The following DENND1A variants were observed in gnomAD, a reference collection of about 807,000 sequenced individuals.
The protein encoded by DENND1A is DENN domain containing 1A.
In DENND1A, 51 loss-of-function variants were observed where a neutral mutation model predicts 113.7. The observed-to-expected ratio is 0.45, with a 90% CI of 0.36 to 0.57. The LOEUF is 0.57. Ranked by LOEUF, DENND1A falls within the 20% of genes least tolerant of loss-of-function variation. The pLI is 0.00. For synonymous variants in DENND1A, 565 were observed against 570.8 expected (o/e 0.99, Z 0.14); for missense variants, 1,258 against 1,395.9 (o/e 0.90, Z 1.57).
At chr9:123,843,101 A>C in intron 2 of DENND1A, 1 of 542,806 alleles carries the variant, frequency 1.8e-6, no homozygotes, top group South Asian at 1.4e-5. Flanking sequence ...CAATTATCCT[A>C]AGTGTCTTCA....
intron 5 of DENND1A, among the ~76,000 whole-genome samples, chr9:123,711,486 A>AAAAATATATATATATGTATATATGT (rs1318894625): frequency 8.8e-5 from 9 of 101,756 alleles, no homozygotes; most frequent in African/African-American, 3.3e-4. Flanking sequence ...TAAATTAAAA[A>AAAAATATATATATATGTATATATGT]ATATATATAT....
intron 11 of DENND1A, among the ~76,000 whole-genome samples, chr9:123,603,782 G>T (rs2060033724): frequency 6.6e-6 from 1 of 152,174 alleles, no homozygotes; most frequent in African/African-American, 2.4e-5. Flanking sequence ...ACACAATCTA[G>T]TAAAAGTGGT....
rs1211742784 is a variant in DENND1A at position 123,390,510 on chromosome 9, C to T, written c.1632-2652G>A. Among the ~76,000 whole-genome samples the T allele has an allele frequency of 2.0e-5, 3 of 152,334 alleles. No homozygotes were observed. In the East Asian group the frequency reaches 5.8e-4, roughly 29 times the overall value. Reference sequence around the variant, plus strand: ...CCGTGCTTTATAGAGGCCACTTCTACCCCTCACAAGAGCCTAACAAGAAGG... The same window carrying T: ...CCGTGCTTTATAGAGGCCACTTCTATCCCTCACAAGAGCCTAACAAGAAGG... On this transcript the variant is annotated intron_variant, in intron 21 of 23. Transcript: ENST00000394215.
rs186878781 is a variant in DENND1A at position 123,632,932 on chromosome 9, G to A, written c.619-2456C>T. On this transcript the variant is annotated intron_variant, in intron 9 of 23. Coordinates refer to ENST00000394215, the MANE Select transcript of DENND1A (RefSeq NM_001352964.2). ...TAATATTATTATTATTATTGAGACA[G>A]GGTCTCACTCTGTCACCCAGGCTGG... Among the ~76,000 whole-genome samples the A allele has an allele frequency of 4.9e-3, 738 of 151,976 alleles. 6 individuals are homozygous for A. The highest frequency in any genetic ancestry group is 0.017 in the African/African-American group (705 of 41,402).
chr9:123,455,247 C>A (rs1401824290), intron 15 of DENND1A, among the ~76,000 whole-genome samples: 1 of 152,182 alleles, frequency 6.6e-6, no homozygotes, highest in Non-Finnish European at 1.5e-5. Flanking sequence ...TCATGCAGTA[C>A]CCTGACTGCA....
chr9:123,889,463 G>C (rs1849588797), intron 1 of DENND1A, among the ~76,000 whole-genome samples: 1 of 152,074 alleles, frequency 6.6e-6, no homozygotes, highest in Non-Finnish European at 1.5e-5. Context: ...GTATTTCAAA[G>C]ACTCAAAACC....
chr9:123,599,995 T>TA (rs2059872086), intron 11 of DENND1A, among the ~76,000 whole-genome samples: 1 of 152,172 alleles, frequency 6.6e-6, no homozygotes, highest in African/African-American at 2.4e-5. Flanking sequence ...GGGATTTGTC[T>TA]AGGCCAAGGG....
chr9:123,591,152 T>C (rs1264953407), intron 11 of DENND1A, among the ~76,000 whole-genome samples: 1 of 152,204 alleles, frequency 6.6e-6, no homozygotes, highest in African/African-American at 2.4e-5. Flanking sequence ...GTAGCCAAGA[T>C]GGTATTGAGC....
intron 2 of DENND1A, among the ~76,000 whole-genome samples, chr9:123,848,939 A>T (rs1842979702): frequency 6.6e-6 from 1 of 152,200 alleles, no homozygotes; most frequent in African/African-American, 2.4e-5. Flanking sequence ...GAGAGAGGTG[A>T]GGAAGCTGCA....
At chr9:123,588,167 C>A (rs1005620431) in intron 11 of DENND1A, among the ~76,000 whole-genome samples, 3 of 149,448 alleles carry the variant, frequency 2.0e-5, no homozygotes, top group Non-Finnish European at 4.4e-5. Context: ...CCCAGCTACT[C>A]GGGAGGCTGA....
At chr9:123,875,180 A>G (rs140808639) in intron 2 of DENND1A, among the ~76,000 whole-genome samples, 414 of 152,322 alleles carry the variant, frequency 2.7e-3, no homozygotes, top group Middle Eastern at 6.8e-3. Context: ...CAATTCAATT[A>G]TATTTTTTCA....
intron 5 of DENND1A, among the ~76,000 whole-genome samples, chr9:123,699,688 C>CT (rs34215948): frequency 0.056 from 6,309 of 112,430 alleles, 447 homozygotes; most frequent in African/African-American, 0.15. Context: ...TTCTTTCTTT[C>CT]TTTTTTTTTT....
chr9:123,720,371 G>A (rs1426905682), intron 5 of DENND1A, among the ~76,000 whole-genome samples: 1 of 152,142 alleles, frequency 6.6e-6, no homozygotes, highest in East Asian at 1.9e-4. Context: ...GCATGCTGGG[G>A]GGCAAAAGGG....
At chr9:123,479,254 C>T (rs546267040) in intron 13 of DENND1A, among the ~76,000 whole-genome samples, 2 of 152,264 alleles carry the variant, frequency 1.3e-5, no homozygotes, top group South Asian at 4.1e-4. Flanking sequence ...TCACCTGCCA[C>T]CTTTCAAAAG....
In DENND1A at chr9:123,866,524, T is replaced by C. The variant is rs187468565; in HGVS notation, c.88+12427A>G. Among the ~76,000 whole-genome samples, 71 of 152,356 alleles carry C rather than the reference T, an allele frequency of 4.7e-4. 1 individual carries two copies. The highest frequency in any genetic ancestry group is 1.6e-3 in the African/African-American group (68 of 41,584). On this transcript the variant is annotated intron_variant, in intron 2 of 23. Coordinates refer to ENST00000394215, the MANE Select transcript of DENND1A (RefSeq NM_001352964.2). ...GTAATAATGACTATCATTCTAATAT[T>C]TGAATCCCTTCAAAAAGGAATTTAC...
rs1172050040 is a variant in DENND1A, at chr9:123,381,409, A to AT, written c.*22dup. On this transcript the variant is annotated 3_prime_UTR_variant, in exon 24 of 24. Transcript: ENST00000394215. This position sits in a 1 kb window ranked among gnomAD's most constrained non-coding sequence, Gnocchi z 4.7. ...TGGACGGACCCTCGGGCCTCGGTGC[A>AT]TCCCCCACCCTCAGGGCCCGGCTCA... is the stretch of plus-strand genomic sequence containing the variant. 2 of 1,608,832 alleles carry AT rather than the reference A, an allele frequency of 1.2e-6. No homozygotes were observed. Among genetic ancestry groups the AT allele is most frequent in the African/African-American group, 2.7e-5 (2 of 74,788 alleles).
At chr9:123,537,942 T>G (rs1244895242) in intron 13 of DENND1A, among the ~76,000 whole-genome samples, 1 of 152,220 alleles carries the variant, frequency 6.6e-6, no homozygotes, top group Non-Finnish European at 1.5e-5. Flanking sequence ...AAAAAATGAC[T>G]GCAGAGGCAT....
chr9:123,729,798 C>G (rs1037040189), intron 5 of DENND1A, among the ~76,000 whole-genome samples: 1 of 152,148 alleles, frequency 6.6e-6, no homozygotes, highest in Non-Finnish European at 1.5e-5. Flanking sequence ...CCTGCATAGC[C>G]AAGACAATCC....
intron 2 of DENND1A, among the ~76,000 whole-genome samples, chr9:123,802,585 A>G (rs1247631967): frequency 6.6e-6 from 1 of 152,236 alleles, no homozygotes; most frequent in African/African-American, 2.4e-5. Context: ...GTAATTGCAA[A>G]TTTCAAGCAT....
Sources: gnomAD v4.1 joint callset for allele counts (sites outside exome capture counted in the v4.1 genomes callset) on GRCh38, gnomAD v4.1.1 for gene constraint, Gnocchi (gnomAD v3.1) non-coding constraint, MANE v1.5 for transcripts, NCBI Gene and HGNC (gene_info 2026-07-23, HGNC 2026-07-21) for gene names.